PTPRN2: variants seen among roughly 807,000 people sequenced by gnomAD.
PTPRN2 encodes the protein protein tyrosine phosphatase receptor type N2.
Under a neutral mutation model 118.8 loss-of-function variants are expected in PTPRN2, and 74 were observed. The observed-to-expected ratio is 0.62, with a 90% confidence interval of 0.52 to 0.76. The LOEUF (loss-of-function observed/expected upper bound fraction) is 0.76, where lower values mean the gene tolerates loss of function less well. PTPRN2 is among the 30% of genes least tolerant of loss of function. PTPRN2 has a pLI of 0.00. For missense variants in PTPRN2, 1,481 were observed against 1,394.4 expected, an observed-to-expected ratio of 1.06 and a Z score of -0.99; for synonymous variants, 641 against 608.0, an observed-to-expected ratio of 1.05 and a Z score of -0.80.
At chr7:158,260,069 G>C (rs1563050907) in intron 3 of PTPRN2, among the ~76,000 whole-genome samples, 1 of 152,364 alleles carries the variant, frequency 6.6e-6, no homozygotes, top group East Asian at 1.9e-4. Context: ...GCACATATTT[G>C]TGTGTATGTG....
intron 3 of PTPRN2, among the ~76,000 whole-genome samples, chr7:158,313,321 C>G (rs539200089): frequency 2.6e-5 from 4 of 152,206 alleles, no homozygotes; most frequent in Non-Finnish European, 5.9e-5. Context: ...CCAGGACACA[C>G]CCCACAGCTG....
At chr7:157,968,934 G>A (rs909230107) in intron 11 of PTPRN2, among the ~76,000 whole-genome samples, 24 of 152,306 alleles carry the variant, frequency 1.6e-4, no homozygotes, top group East Asian at 1.9e-4. Flanking sequence ...GACCTCTGTC[G>A]GCTCAGTGGA....
chr7:158,143,206 G>T (rs1029610153), intron 6 of PTPRN2, among the ~76,000 whole-genome samples: 1 of 152,220 alleles, frequency 6.6e-6, no homozygotes, highest in Admixed American at 6.5e-5. Flanking sequence ...GGAAGTGCAG[G>T]GATCGGGAGG....
chr7:158,329,278 G>A lies in PTPRN2; in HGVS notation c.164-12346C>T, dbSNP rs4909067. Among the ~76,000 whole-genome samples, 7 of 152,166 alleles carry A rather than the reference G, an allele frequency of 4.6e-5. No homozygotes were observed. The South Asian group carries it at 6.2e-4, about 14-fold the overall frequency. On this transcript the variant is annotated intron_variant, in intron 2 of 22. Coordinates refer to ENST00000389418, the MANE Select transcript of PTPRN2 (RefSeq NM_002847.5). ...AGGGGAGGACAGTGAAGACAGTGCC[G>A]AGAACACAGCCAGTCATGCCTCCCT...
chr7:158,164,320 TAAG>T (rs1462801181), intron 6 of PTPRN2, among the ~76,000 whole-genome samples: 7 of 133,628 alleles, frequency 5.2e-5, no homozygotes, highest in African/African-American at 1.5e-4. Flanking sequence ...AGCGCGTGCG[TAAG>T]AAGGGCACGC....
chr7:157,870,255 T>C (rs761883498), intron 12 of PTPRN2, among the ~76,000 whole-genome samples: 1 of 152,232 alleles, frequency 6.6e-6, no homozygotes, highest in Non-Finnish European at 1.5e-5. Flanking sequence ...CTGCTGTTAA[T>C]TGTTGGTTCT....
chr7:157,659,004 A>C (rs1585192113), intron 13 of PTPRN2, among the ~76,000 whole-genome samples: 1 of 149,890 alleles, frequency 6.7e-6, no homozygotes, highest in Non-Finnish European at 1.5e-5. Context: ...TTCTCCCTTC[A>C]CCCCGGGGTG....
chr7:158,099,050 C>T (rs1814951661), intron 10 of PTPRN2, among the ~76,000 whole-genome samples: 2 of 43,796 alleles, frequency 4.6e-5, no homozygotes, highest in Non-Finnish European at 9.0e-5. Flanking sequence ...CAACACATCC[C>T]GGCTGCCTCC....
chr7:157,576,281 A>T (rs1436199595), intron 19 of PTPRN2, among the ~76,000 whole-genome samples: 2 of 152,220 alleles, frequency 1.3e-5, no homozygotes, highest in Non-Finnish European at 2.9e-5. Context: ...CCAACTGAAC[A>T]TCCGAGCTTT....
chr7:158,508,184 G>A (rs531331301), intron 1 of PTPRN2, among the ~76,000 whole-genome samples: 2 of 149,126 alleles, frequency 1.3e-5, no homozygotes, highest in South Asian at 4.3e-4. Context: ...GGCGGCAGGA[G>A]ACCACAGGCA....
Position 158,154,441 on chromosome 7 carries a change from C to T in PTPRN2, c.910+12490G>A, listed in dbSNP as rs760483422. ...GAAGTTGTGTCCCCTCTTCTAACACCGCTGTAACATTTAACAACTCAGAAA... is the reference window on the plus strand; with the variant it reads ...GAAGTTGTGTCCCCTCTTCTAACACTGCTGTAACATTTAACAACTCAGAAA... On this transcript the variant is annotated intron_variant, in intron 6 of 22. Coordinates refer to ENST00000389418, the MANE Select transcript of PTPRN2 (RefSeq NM_002847.5). 1.4e-3 allele frequency among the ~76,000 whole-genome samples: 211 copies of T among 152,308 alleles called. 2 individuals carry two copies. Among genetic ancestry groups the T allele is most frequent in the Non-Finnish European group, 1.2e-3 (79 of 68,034 alleles).
At chr7:158,158,259 C>T (rs1368885154) in intron 6 of PTPRN2, among the ~76,000 whole-genome samples, 3 of 152,226 alleles carry the variant, frequency 2.0e-5, no homozygotes, top group African/African-American at 7.2e-5. Flanking sequence ...GTGTTATAAT[C>T]TACTGCTGTC....
intron 1 of PTPRN2, among the ~76,000 whole-genome samples, chr7:158,545,348 G>A (rs555278175): frequency 2.6e-5 from 4 of 152,336 alleles, no homozygotes; most frequent in Non-Finnish European, 4.4e-5. Context: ...GCTGCAGACC[G>A]ACGCAGTGGG....
chr7:158,248,864 A>C (rs1283159287), intron 3 of PTPRN2, among the ~76,000 whole-genome samples: 1 of 15,214 alleles, frequency 6.6e-5, no homozygotes, highest in African/African-American at 2.6e-4. Flanking sequence ...ACACATGCAC[A>C]CACCACACAT....
At chr7:157,544,885 G>T (rs1798204081) in intron 22 of PTPRN2, among the ~76,000 whole-genome samples, 1 of 151,474 alleles carries the variant, frequency 6.6e-6, no homozygotes, top group African/African-American at 2.4e-5. Flanking sequence ...ATCGTGTGTG[G>T]GTGTGTAGGT....
At chr7:157,643,480 G>A (rs891138917) in intron 14 of PTPRN2, among the ~76,000 whole-genome samples, 4 of 152,238 alleles carry the variant, frequency 2.6e-5, no homozygotes, top group African/African-American at 4.8e-5. Flanking sequence ...TCCACAGAGC[G>A]CTGCAAGGGG....
rs895817841 is a variant in PTPRN2 at position 158,262,602 on chromosome 7, A to T, written c.277+54217T>A. Among the ~76,000 whole-genome samples, 4 of 144,186 alleles carry T rather than the reference A, an allele frequency of 2.8e-5. 1 individual carries two copies. The highest frequency in any genetic ancestry group is 2.7e-4 in the Admixed American group (4 of 14,632). 94.6% of individuals were successfully genotyped at this position (144,186 alleles called of 152,430 possible). ...ACAGCACACACATTCACACACATTC[A>T]CACACACTGCACACACACATACATT... On this transcript the variant is annotated intron_variant, in intron 3 of 22. Coordinates refer to ENST00000389418, the MANE Select transcript of PTPRN2 (RefSeq NM_002847.5).
At chr7:158,289,294 G>A (rs1414386711) in intron 3 of PTPRN2, among the ~76,000 whole-genome samples, 1 of 152,048 alleles carries the variant, frequency 6.6e-6, no homozygotes, top group Non-Finnish European at 1.5e-5. Flanking sequence ...TTGAATACCT[G>A]TAACTCAAAT....
At position 158,133,916 on chromosome 7, in the gene PTPRN2, C is replaced by T. The variant is rs1375053966; in HGVS notation, c.1317G>A (p.Glu439=). 5.0e-6 allele frequency: 8 copies of T among 1,613,992 alleles called. No individual in the cohort carries two copies. In the East Asian group the frequency reaches 1.3e-4, roughly 27 times the overall value. ...EHPESSLSSE[E]ETAGVENVKS... ...TGACGTTCTCCACTCCGGCAGTCTC[C>T]TCTTCTGAAGACAGGGAAGACTCAG... is the stretch of plus-strand genomic sequence containing the variant. Residue 439 remains glutamate (E), a synonymous_variant, in exon 9 of 23, where the codon GAG becomes GAA. Transcript: ENST00000389418.
Sources: allele counts gnomAD v4.1 joint callset (sites outside exome capture counted in the v4.1 genomes callset), GRCh38; gene constraint gnomAD v4.1.1; transcripts MANE v1.5; gene names NCBI Gene and HGNC (gene_info 2026-07-23, HGNC 2026-07-21).